The following FAM193A variants were observed in gnomAD, a reference collection of about 807,000 sequenced individuals.
The protein encoded by FAM193A is family with sequence similarity 193 member A, also known as protein FAM193A.
In FAM193A, 22 loss-of-function variants were observed where a neutral mutation model predicts 126.5. The observed-to-expected ratio is 0.17, with a 90% CI of 0.12 to 0.25. The LOEUF is 0.25. FAM193A is among the 10% of genes least tolerant of loss of function. The pLI is 1.00. For missense variants in FAM193A, 1,675 were observed against 1,672.8 expected (o/e 1.00, Z -0.02); for synonymous variants, 761 against 646.8 (o/e 1.18, Z -2.68).
At chr4:2,672,956 C>T (rs1302997582) in intron 13 of FAM193A, among the ~76,000 whole-genome samples, 1 of 152,160 alleles carries the variant, frequency 6.6e-6, no homozygotes, top group African/African-American at 2.4e-5. Context: ...GTGAAGAGCC[C>T]ATTCAGGAAG....
intron 2 of FAM193A, among the ~76,000 whole-genome samples, chr4:2,602,657 T>C (rs1357898896): frequency 2.0e-5 from 3 of 151,914 alleles, no homozygotes; most frequent in Admixed American, 2.0e-4. Flanking sequence ...GTTTTTCGTT[T>C]TGATGTTTTT....
At chr4:2,595,980 A>G (rs931112636) in intron 1 of FAM193A, 104 bp from the exon 2 acceptor site, 5 of 604,506 alleles carry the variant, frequency 8.3e-6, no homozygotes, top group Non-Finnish European at 1.5e-5. Context: ...GTTTCTGTAT[A>G]TAAACATACA....
intron 1 of FAM193A, among the ~76,000 whole-genome samples, chr4:2,554,461 T>A (rs1738138090): frequency 6.6e-6 from 1 of 152,212 alleles, no homozygotes; most frequent in African/African-American, 2.4e-5. Flanking sequence ...TTTATGATTT[T>A]AAGTTTTTCA....
chr4:2,586,933 G>C (rs1182691352), intron 1 of FAM193A, among the ~76,000 whole-genome samples: 1 of 152,186 alleles, frequency 6.6e-6, no homozygotes, highest in Non-Finnish European at 1.5e-5. Flanking sequence ...GATTACAGGA[G>C]TCAGCTGCCA....
intron 19 of FAM193A, among the ~76,000 whole-genome samples, chr4:2,713,380 TGG>T: frequency 6.6e-6 from 1 of 152,182 alleles, no homozygotes; most frequent in East Asian, 1.9e-4. Flanking sequence ...CACTCCAGCC[TGG>T]CAATAGAGCG....
At chr4:2,595,135 A>G (rs934355405) in intron 1 of FAM193A, among the ~76,000 whole-genome samples, 1 of 151,488 alleles carries the variant, frequency 6.6e-6, no homozygotes, top group Non-Finnish European at 1.5e-5. Context: ...TACAGCCTCG[A>G]CTTGCTGGGT....
chr4:2,544,269 A>G (rs541479453), intron 1 of FAM193A, among the ~76,000 whole-genome samples: 2 of 152,196 alleles, frequency 1.3e-5, no homozygotes, highest in South Asian at 2.1e-4. Flanking sequence ...ATATCAAGAT[A>G]AAGAATATAG....
chr4:2,631,351 G>A (rs1743563879), intron 5 of FAM193A, among the ~76,000 whole-genome samples, 182 bp downstream of exon 5: 1 of 152,082 alleles, frequency 6.6e-6, no homozygotes, highest in African/African-American at 2.4e-5. Context: ...TCTGGACTTT[G>A]CCACTGGATA....
At chr4:2,728,658 A>C (rs900522371) in intron 20 of FAM193A, among the ~76,000 whole-genome samples, 6 of 152,004 alleles carry the variant, frequency 3.9e-5, no homozygotes, top group African/African-American at 1.4e-4. Flanking sequence ...GGTCTCATGC[A>C]TGTCTGTGTG....
intron 1 of FAM193A, among the ~76,000 whole-genome samples, chr4:2,562,438 G>C (rs1738675054): frequency 6.6e-6 from 1 of 152,080 alleles, no homozygotes; most frequent in African/African-American, 2.4e-5. Flanking sequence ...GGCAAAGCGA[G>C]ACCCTGCCTT....
intron 1 of FAM193A, among the ~76,000 whole-genome samples, chr4:2,563,951 T>C (rs2108845021): frequency 6.6e-6 from 1 of 152,330 alleles, no homozygotes; most frequent in Middle Eastern, 3.4e-3. Context: ...TGTATTAAGC[T>C]CAGAGAAACT....
chr4:2,612,862 C>T (rs1483173458), intron 2 of FAM193A, among the ~76,000 whole-genome samples: 1 of 152,122 alleles, frequency 6.6e-6, no homozygotes, highest in East Asian at 1.9e-4. Flanking sequence ...AGATGTCTAC[C>T]AACTTTCTTC....
At chr4:2,703,913 G>A (rs191955908) in intron 19 of FAM193A, among the ~76,000 whole-genome samples, 18 of 151,520 alleles carry the variant, frequency 1.2e-4, no homozygotes, top group South Asian at 4.2e-4. Flanking sequence ...TTGAGGCTGC[G>A]GTGTGTCATG....
chr4:2,539,964 A>G (rs936633996), intron 1 of FAM193A, among the ~76,000 whole-genome samples: 1 of 151,990 alleles, frequency 6.6e-6, no homozygotes, highest in African/African-American at 2.4e-5. Flanking sequence ...CTAAAAATAC[A>G]AAAATTAGCC....
At chr4:2,592,305 G>T (rs1740617072) in intron 1 of FAM193A, among the ~76,000 whole-genome samples, 1 of 152,172 alleles carries the variant, frequency 6.6e-6, no homozygotes, top group South Asian at 2.1e-4. Context: ...GGCCAGGCTG[G>T]TCTTGAACTC....
chr4:2,571,464 G>C (rs1739287766), intron 1 of FAM193A, among the ~76,000 whole-genome samples: 1 of 152,082 alleles, frequency 6.6e-6, no homozygotes, highest in Admixed American at 6.6e-5. Context: ...GGCTTCTGAG[G>C]TAGAAGTCCT....
intron 13 of FAM193A, among the ~76,000 whole-genome samples, chr4:2,673,070 GTT>G (rs1714003742): frequency 6.6e-6 from 1 of 152,134 alleles, no homozygotes; most frequent in East Asian, 1.9e-4. Flanking sequence ...TCTTAGGCTG[GTT>G]TCTTTCTTTG....
intron 2 of FAM193A, among the ~76,000 whole-genome samples, chr4:2,604,614 G>A (rs1741417454): frequency 6.6e-6 from 1 of 151,896 alleles, no homozygotes; most frequent in Non-Finnish European, 1.5e-5. Flanking sequence ...GAAGGGCGTT[G>A]TTTTCTGTTT....
At chr4:2,541,143 G>A (rs1233022151) in intron 1 of FAM193A, among the ~76,000 whole-genome samples, 2 of 151,960 alleles carry the variant, frequency 1.3e-5, no homozygotes, top group East Asian at 3.9e-4. Context: ...GGTGGCGCAT[G>A]CCTGTAATCC....
Sources: allele counts gnomAD v4.1 joint callset (sites outside exome capture counted in the v4.1 genomes callset), GRCh38; gene constraint gnomAD v4.1.1; transcripts MANE v1.5; gene names NCBI Gene and HGNC (gene_info 2026-07-23, HGNC 2026-07-21).